Variants in PYGB observed in about 807,000 individuals in gnomAD.
PYGB encodes glycogen phosphorylase B.
A neutral mutation model predicts 94.3 loss-of-function variants in PYGB; 82 were observed. The observed-to-expected ratio is 0.87, with a 90% CI of 0.73 to 1.04. The LOEUF (loss-of-function observed/expected upper bound fraction) is 1.04, where lower values mean the gene tolerates loss of function less well. PYGB is among the 50% of genes least tolerant of loss of function. The probability of loss-of-function intolerance (pLI) is 0.00; values close to 1 mark genes in which losing one functional copy is unlikely to be tolerated. For missense variants in PYGB, 1,132 were observed against 1,158.2 expected (o/e 0.98, Z 0.33); for synonymous variants, 488 against 479.1 (o/e 1.02, Z -0.24).
At chr20:25,251,096 G>A (rs931442753) in intron 1 of PYGB, 48 of 152,242 alleles carry the variant, frequency 3.2e-4, no homozygotes, top group Admixed American at 3.0e-3. Context: ...GTCAAGCTTT[G>A]CCATGCTTGG....
intron 2 of PYGB, among the ~76,000 whole-genome samples, chr20:25,265,631 G>T (rs1415502078): frequency 1.6e-5 from 2 of 127,384 alleles, no homozygotes; most frequent in African/African-American, 3.1e-5. Flanking sequence ...GTCTTGCTCT[G>T]TCGCCCAGGC....
At chr20:25,291,950 C>T (rs528302841) in intron 16 of PYGB, among the ~76,000 whole-genome samples, 2 of 152,308 alleles carry the variant, frequency 1.3e-5, no homozygotes, top group African/African-American at 4.8e-5. Context: ...CTGCTGGCGC[C>T]CAGGAGGTCG....
intron 17 of PYGB, 25 bp downstream of exon 17, chr20:25,292,638 C>CTG: frequency 2.5e-6 from 4 of 1,603,898 alleles, no homozygotes; most frequent in Non-Finnish European, 3.4e-6. Flanking sequence ...CCCTGGGCAC[C>CTG]TGGCACCGTG....
chr20:25,278,929 T>G, intron 8 of PYGB, 128 bp from the exon 9 acceptor site: 1 of 849,084 alleles, frequency 1.2e-6, no homozygotes, highest in East Asian at 2.7e-5. Context: ...CCCCTCCCTG[T>G]TCTCCAGGCT....
rs1394425815 is a variant in PYGB, at chr20:25,296,621, GCTT to G, written c.*100_*102del. 17 of 1,434,842 alleles carry G rather than the reference GCTT, an allele frequency of 1.2e-5. No individual in the cohort carries two copies. Among genetic ancestry groups the G allele is most frequent in the Non-Finnish European group, 1.5e-5 (16 of 1,067,936 alleles). 88.9% of individuals were successfully genotyped at this position (1,434,842 alleles called of 1,614,324 possible). A position where few individuals can be genotyped will look rare whatever the true frequency, so the allele number is the denominator to read the frequency against. Reference sequence around the variant, plus strand: ...ACTTTGCCAGCCACTGGTGGTCCCTGCTTTTCTGAGTACCATGTTTCCAGGAGG... The same window carrying G: ...ACTTTGCCAGCCACTGGTGGTCCCTGTTCTGAGTACCATGTTTCCAGGAGG... On this transcript the variant is annotated 3_prime_UTR_variant, in exon 20 of 20. Coordinates refer to ENST00000216962, the MANE Select transcript of PYGB (RefSeq NM_002862.4).
Position 25,290,636 on chromosome 20 carries a change from C to A in PYGB, c.1969+14C>A. 6.3e-7 allele frequency: 1 copy of A among 1,592,358 alleles called. No homozygotes were observed. The highest frequency in any genetic ancestry group is 8.6e-7 in the Non-Finnish European group (1 of 1,161,572). ...TGGCTGAGAAAGGTAACCCTGGAAG[C>A]CTGTGTTGGACAGAAAACTCACTCC... On this transcript the variant is annotated intron_variant, in intron 16 of 19. Coordinates refer to ENST00000216962, the MANE Select transcript of PYGB (RefSeq NM_002862.4).
chr20:25,254,664 CGAT>C (rs1374110244), intron 1 of PYGB, among the ~76,000 whole-genome samples: 2 of 152,224 alleles, frequency 1.3e-5, no homozygotes, highest in Non-Finnish European at 2.9e-5. Flanking sequence ...TGTTTAAAAA[CGAT>C]GACTGGTAGC....
At chr20:25,274,326 G>A (rs543346751) in intron 4 of PYGB, among the ~76,000 whole-genome samples, 1 of 152,210 alleles carries the variant, frequency 6.6e-6, no homozygotes, top group Non-Finnish European at 1.5e-5. Flanking sequence ...ATCCAGATCG[G>A]AGCATGTGTC....
chr20:25,270,582 C>T (rs1450661220), intron 3 of PYGB, among the ~76,000 whole-genome samples: 1 of 152,150 alleles, frequency 6.6e-6, no homozygotes, highest in Non-Finnish European at 1.5e-5. Context: ...ACTGCAGCCT[C>T]AACCTCTTGG....
intron 11 of PYGB, 43 bp from the exon 12 acceptor site, chr20:25,281,990 G>A: frequency 6.6e-7 from 1 of 1,519,956 alleles, no homozygotes; most frequent in Non-Finnish European, 9.1e-7. Flanking sequence ...ACCTGGTGCA[G>A]GGCACAGCAT....
chr20:25,282,430 G>A (rs993777042), intron 12 of PYGB, among the ~76,000 whole-genome samples: 1 of 152,266 alleles, frequency 6.6e-6, no homozygotes, highest in South Asian at 2.1e-4. Flanking sequence ...AAAGAGTCAA[G>A]AGGCAGCTGA....
intron 3 of PYGB, among the ~76,000 whole-genome samples, chr20:25,270,987 G>A (rs905769072): frequency 6.6e-5 from 10 of 152,206 alleles, no homozygotes; most frequent in Non-Finnish European, 1.2e-4. Context: ...GGAGTAGGGT[G>A]AGGCTTGATG....
In PYGB at chr20:25,280,253, T is replaced by G; in HGVS notation, c.1093-13T>G. ...TCTAAACAAACACATGGGAACATTC[T>G]CTAATGGCCTAGGCCTGGGAAATCA... On this transcript the variant is annotated splice_polypyrimidine_tract_variant and intron_variant, in intron 9 of 19. Coordinates refer to ENST00000216962, the MANE Select transcript of PYGB (RefSeq NM_002862.4). 1 of 1,612,864 alleles carries G rather than the reference T, an allele frequency of 6.2e-7. No individual in the cohort carries two copies. The highest frequency in any genetic ancestry group is 8.5e-7 in the Non-Finnish European group (1 of 1,179,122).
intron 14 of PYGB, among the ~76,000 whole-genome samples, chr20:25,286,271 T>C (rs143106401): frequency 2.0e-5 from 3 of 152,310 alleles, no homozygotes; most frequent in Non-Finnish European, 4.4e-5. Flanking sequence ...TGAGGTGGCT[T>C]TCTCTGGCCT....
In PYGB at chr20:25,297,232, C is replaced by T. The variant is rs569949607; in HGVS notation, c.*710C>T. The stretch of plus-strand genomic sequence containing the variant: ...TGCTTGTGTCTGCTGTCTCAGAGGC[C>T]TTGGTCAGGATGAAGTTGGCTGACA... On this transcript the variant is annotated 3_prime_UTR_variant, in exon 20 of 20. Transcript: ENST00000216962. 1 of 152,398 alleles carries T rather than the reference C, an allele frequency of 6.6e-6. No homozygotes were observed. The highest frequency in any genetic ancestry group is 2.1e-4 in the South Asian group (1 of 4,826). The allele number at this position is 152,398 out of a possible 1,614,324, so 9.4% of individuals were successfully genotyped here.
Position 25,288,442 on chromosome 20 carries a change from G to A in PYGB, c.1786G>A (p.Ala596Thr), listed in dbSNP as rs2088437401. Residue 596 changes from alanine (A) to threonine (T), a missense_variant, in exon 15 of 20, where the codon GCC becomes ACC. By Grantham distance (58) the Ala-to-Thr change is moderately conservative. Transcript: ENST00000216962. ...TCCTGCAGGAATCAAGAGAGACCCG[G>A]CCAAGGCTTTTGTGCCCAGGACTGT... ...TLYNRIKRDPAKAFVPRTVMI... is the reference protein window; with the variant it reads ...TLYNRIKRDPTKAFVPRTVMI... 2 of 1,614,224 alleles carry A rather than the reference G, an allele frequency of 1.2e-6. No homozygotes were observed. The highest frequency in any genetic ancestry group is 1.7e-5 in the Admixed American group (1 of 60,028).
In PYGB at chr20:25,274,690, C is replaced by T. The variant is rs1173236881; in HGVS notation, c.627C>T (p.His209=). Residue 209 remains histidine (H), a synonymous_variant, in exon 5 of 20, where the codon CAC becomes CAT. Coordinates refer to ENST00000216962, the MANE Select transcript of PYGB (RefSeq NM_002862.4). The part of the protein sequence containing the change: ...LPVHFYGRVE[H]TPDGVKWLDT... Reference sequence around the variant, plus strand: ...TGCACTTCTACGGACGCGTGGAGCACACCCCCGACGGCGTGAAGTGGCTGG... The same window carrying T: ...TGCACTTCTACGGACGCGTGGAGCATACCCCCGACGGCGTGAAGTGGCTGG... The T allele has an allele frequency of 1.2e-6, 2 of 1,613,524 alleles. No individual in the cohort carries two copies. Among genetic ancestry groups the T allele is most frequent in the Admixed American group, 1.7e-5 (1 of 60,002 alleles).
At chr20:25,249,951 G>A (rs1316330405) in intron 1 of PYGB, among the ~76,000 whole-genome samples, 1 of 151,926 alleles carries the variant, frequency 6.6e-6, no homozygotes, top group Non-Finnish European at 1.5e-5. Context: ...CCGGGTTCAA[G>A]CAATTCTCCT....
chr20:25,277,266 G>A lies in PYGB; in HGVS notation c.795G>A (p.Glu265=), dbSNP rs1016374380. 15 of 1,577,818 alleles carry A rather than the reference G, an allele frequency of 9.5e-6. No individual in the cohort carries two copies. The highest frequency in any genetic ancestry group is 1.1e-5 in the Non-Finnish European group (13 of 1,147,102). Residue 265 remains glutamate (E), a synonymous_variant, in exon 7 of 20, where the codon GAG becomes GAA. Transcript: ENST00000216962. ...TAGTCAACGTGGGAGACTACATCGA[G>A]GCGGTCCTGGACCGGAACTTGGCTG... ...LQDFNVGDYI[E]AVLDRNLAEN...
Sources: gnomAD v4.1 joint callset for allele counts (sites outside exome capture counted in the v4.1 genomes callset) on GRCh38, gnomAD v4.1.1 for gene constraint, MANE v1.5 for transcripts, NCBI Gene and HGNC (gene_info 2026-07-23, HGNC 2026-07-21) for gene names.